The following LGALS9 variants were observed in gnomAD, a reference collection of about 807,000 sequenced individuals.
The protein encoded by LGALS9 is galectin 9.
A neutral mutation model predicts 35.9 loss-of-function variants in LGALS9; 26 were observed. That is an observed-to-expected ratio of 0.72 (90% confidence interval 0.53 to 1.01). LGALS9 has a LOEUF of 1.01. Among genes scored for constraint, LGALS9 ranks in the 50% least tolerant of loss-of-function variants. The probability of loss-of-function intolerance (pLI) is 0.00; values close to 1 mark genes in which losing one functional copy is unlikely to be tolerated. For synonymous variants in LGALS9, 149 were observed against 172.2 expected, an observed-to-expected ratio of 0.87 and a Z score of 1.06; for missense variants, 347 against 445.8, an observed-to-expected ratio of 0.78 and a Z score of 1.99.
Position 27,647,018 on chromosome 17 carries a change from T to C in LGALS9, c.670-12T>C. 6.2e-7 allele frequency: 1 copy of C among 1,613,962 alleles called. No homozygotes were observed. Reference sequence around the variant, plus strand: ...CCGCGTGGTGGCTGACCTGTCCCCCTTCTTCCGACAGCCGATGCCTTTCAT... The same window carrying C: ...CCGCGTGGTGGCTGACCTGTCCCCCCTCTTCCGACAGCCGATGCCTTTCAT... On this transcript the variant is annotated splice_polypyrimidine_tract_variant and intron_variant, in intron 8 of 10. Transcript: ENST00000395473.
rs575122761 is a variant in LGALS9, at chr17:27,636,381, G to C, written c.40-1882G>C. ...CTTGCTTCATCCTATACCCTCCCTCGCTTGCTTCCTTCCCACCCTCAGATA... is the reference window on the plus strand; with the variant it reads ...CTTGCTTCATCCTATACCCTCCCTCCCTTGCTTCCTTCCCACCCTCAGATA... On this transcript the variant is annotated intron_variant, in intron 1 of 10. Transcript: ENST00000395473. 1.9e-3 allele frequency among the ~76,000 whole-genome samples: 293 copies of C among 152,186 alleles called. 1 individual carries two copies. Among genetic ancestry groups the C allele is most frequent in the South Asian group, 3.7e-3 (18 of 4,822 alleles).
intron 1 of LGALS9, among the ~76,000 whole-genome samples, chr17:27,634,455 G>A (rs986337311): frequency 7.9e-5 from 12 of 152,188 alleles, no homozygotes; most frequent in African/African-American, 2.9e-4. Context: ...GGAGGCGGAG[G>A]TGGGAGGGTC....
chr17:27,633,780 C>T lies in LGALS9; in HGVS notation c.39+2476C>T, dbSNP rs151159115. Among the ~76,000 whole-genome samples the T allele has an allele frequency of 5.9e-4, 90 of 152,302 alleles. 2 individuals carry two copies. In the East Asian group the frequency reaches 9.8e-3, roughly 17 times the overall value. ...GGAATCGCACCCAGTCCTCTCAGAA[C>T]GCTGCCAGCCAGGGGCTCAGCACAC... On this transcript the variant is annotated intron_variant, in intron 1 of 10. Transcript: ENST00000395473.
intron 2 of LGALS9, among the ~76,000 whole-genome samples, chr17:27,639,769 G>T (rs190170231): frequency 6.6e-6 from 1 of 152,048 alleles, no homozygotes; most frequent in African/African-American, 2.4e-5. Context: ...ATGGAGTCTC[G>T]CTCTGCCACC....
Position 27,643,514 on chromosome 17 carries a change from T to C in LGALS9, c.445-11T>C. 1 of 1,611,790 alleles carries C rather than the reference T, an allele frequency of 6.2e-7. No homozygotes were observed. Among genetic ancestry groups the C allele is most frequent in the Non-Finnish European group, 8.5e-7 (1 of 1,179,720 alleles). On this transcript the variant is annotated splice_polypyrimidine_tract_variant and intron_variant, in intron 4 of 10. Coordinates refer to ENST00000395473, the MANE Select transcript of LGALS9 (RefSeq NM_009587.3). ...CTTCTCCTCACTGCCCGGTGCCTTTTGTTTTAACAGAACCCCCGCACAGTC... is the reference window on the plus strand; with the variant it reads ...CTTCTCCTCACTGCCCGGTGCCTTTCGTTTTAACAGAACCCCCGCACAGTC...
intron 1 of LGALS9, among the ~76,000 whole-genome samples, chr17:27,636,028 A>C (rs1279611112): frequency 6.6e-6 from 1 of 152,180 alleles, no homozygotes; most frequent in Admixed American, 6.5e-5. Context: ...ACCTGACCTG[A>C]GGGGCAACAA....
At chr17:27,646,411 C>T (rs964808600) in intron 7 of LGALS9, 136 bp from the exon 8 acceptor site, 84 of 1,349,922 alleles carry the variant, frequency 6.2e-5, no homozygotes, top group African/African-American at 2.3e-4. Context: ...GGGAGGTAGA[C>T]GGGCGAGTCC....
At chr17:27,637,673 G>A (rs1456702941) in intron 1 of LGALS9, among the ~76,000 whole-genome samples, 1 of 152,254 alleles carries the variant, frequency 6.6e-6, no homozygotes, top group Non-Finnish European at 1.5e-5. Flanking sequence ...TCTGCTGAAG[G>A]TGGCCAGGAG....
intron 3 of LGALS9, chr17:27,640,991 A>C (rs1334725066): frequency 2.5e-6 from 2 of 796,114 alleles, no homozygotes; most frequent in African/African-American, 1.7e-5. Flanking sequence ...TTTTACTCTG[A>C]AAATAAGAAC....
intron 3 of LGALS9, 119 bp downstream of exon 3, chr17:27,640,892 A>G (rs1297875437): frequency 6.9e-6 from 10 of 1,446,662 alleles, no homozygotes; most frequent in Non-Finnish European, 8.6e-6. Flanking sequence ...TATACAGATA[A>G]CACGCTCATT....
rs1318298614 is a variant in LGALS9, at chr17:27,648,440, G to T, written c.922-396G>T. Among the ~76,000 whole-genome samples, 4 of 151,912 alleles carry T rather than the reference G, an allele frequency of 2.6e-5. No homozygotes were observed. The East Asian group carries it at 7.7e-4, about 29-fold the overall frequency. On this transcript the variant is annotated intron_variant, in intron 10 of 10. Coordinates refer to ENST00000395473, the MANE Select transcript of LGALS9 (RefSeq NM_009587.3). ...GGCAGGTGGCATGTGTGATAGGAGT[G>T]TTAGCTATTGCAAAGGGAAGGAGGT...
chr17:27,636,225 T>C (rs1248491868), intron 1 of LGALS9, among the ~76,000 whole-genome samples: 2 of 152,116 alleles, frequency 1.3e-5, no homozygotes, highest in African/African-American at 4.8e-5. Context: ...GGCTGGTGGG[T>C]GTTTTCTGTT....
intron 10 of LGALS9, 41 bp from the exon 11 acceptor site, chr17:27,648,795 G>T (rs746944802): frequency 1.2e-6 from 2 of 1,611,974 alleles, no homozygotes; most frequent in South Asian, 2.2e-5. Flanking sequence ...GAGGGTGGAG[G>T]ACTTCCCAAG....
intron 8 of LGALS9, 43 bp downstream of exon 8, chr17:27,646,631 G>A: frequency 6.2e-7 from 1 of 1,613,014 alleles, no homozygotes; most frequent in East Asian, 2.2e-5. Context: ...GTTTGTGGTG[G>A]GCAGGCTGGG....
chr17:27,644,654 C>G (rs1357676246), intron 5 of LGALS9: 1 of 152,866 alleles, frequency 6.5e-6, no homozygotes, highest in Non-Finnish European at 1.5e-5. Flanking sequence ...TATGGCTCAT[C>G]ACCGTACAGA....
Position 27,645,832 on chromosome 17 carries a change from C to G in LGALS9, c.577-29C>G, listed in dbSNP as rs769722934. On this transcript the variant is annotated intron_variant, in intron 6 of 10. Coordinates refer to ENST00000395473, the MANE Select transcript of LGALS9 (RefSeq NM_009587.3). ...GCTGGTGGTTTTCACACGTGAGAGC[C>G]TGGGTGAGACCTGGTTTCTTTCTTC... The G allele has an allele frequency of 1.9e-6, 3 of 1,583,558 alleles. No homozygotes were observed. The South Asian group carries it at 3.4e-5, about 18-fold the overall frequency.
intron 7 of LGALS9, 24 bp downstream of exon 7, chr17:27,645,935 T>C (rs1904907118): frequency 3.7e-6 from 6 of 1,608,916 alleles, no homozygotes; most frequent in East Asian, 2.2e-5. Context: ...TTCTGGTCAG[T>C]TCACAGCTGC....
chr17:27,644,050 T>G, intron 5 of LGALS9: 1 of 163,390 alleles, frequency 6.1e-6, no homozygotes, highest in Non-Finnish European at 1.3e-5. Flanking sequence ...GGTATATGAA[T>G]TCCTCCCCAG....
intron 2 of LGALS9, 115 bp from the exon 3 acceptor site, chr17:27,640,457 T>C: frequency 6.8e-7 from 1 of 1,461,776 alleles, no homozygotes; most frequent in Non-Finnish European, 9.6e-7. Flanking sequence ...GTCTCTGCCA[T>C]ACAGGTTGTG....
Sources: allele counts gnomAD v4.1 joint callset (sites outside exome capture counted in the v4.1 genomes callset), GRCh38; gene constraint gnomAD v4.1.1; transcripts MANE v1.5; gene names NCBI Gene and HGNC (gene_info 2026-07-23, HGNC 2026-07-21).